Variants in DEPTOR observed in about 807,000 individuals in gnomAD.
DEPTOR encodes DEP domain containing MTOR interacting protein.
In DEPTOR, 41 loss-of-function variants were observed where a neutral mutation model predicts 41.6. That is an observed-to-expected ratio of 0.98 (90% CI 0.77 to 1.28). DEPTOR has a LOEUF of 1.28. Among genes scored for constraint, DEPTOR ranks in the 50% most tolerant of loss-of-function variants. The probability of loss-of-function intolerance (pLI) is 0.00; values close to 1 mark genes in which losing one functional copy is unlikely to be tolerated. For synonymous variants in DEPTOR, 195 were observed against 192.3 expected (o/e 1.01, Z -0.12); for missense variants, 514 against 527.9 (o/e 0.97, Z 0.26).
intron 8 of DEPTOR, among the ~76,000 whole-genome samples, chr8:120,035,470 G>C (rs1812966855): frequency 1.3e-5 from 2 of 152,194 alleles, no homozygotes; most frequent in African/African-American, 4.8e-5. Context: ...GGGAATGTAA[G>C]AGTGAGAATT....
intron 1 of DEPTOR, among the ~76,000 whole-genome samples, chr8:119,918,934 A>AGTGTGTGTGT (rs139535526): frequency 4.3e-5 from 5 of 115,198 alleles, no homozygotes; most frequent in African/African-American, 1.4e-4. Flanking sequence ...CTATTTGCAT[A>AGTGTGTGTGT]GTGAGTGTGT....
intron 1 of DEPTOR, among the ~76,000 whole-genome samples, chr8:119,925,054 T>A (rs1172553969): frequency 6.6e-6 from 1 of 152,196 alleles, no homozygotes; most frequent in Non-Finnish European, 1.5e-5. Flanking sequence ...GGAAGATACA[T>A]GGCCGTGGGC....
chr8:119,880,003 A>G (rs12681883), intron 1 of DEPTOR, among the ~76,000 whole-genome samples: 78,344 of 151,736 alleles, frequency 0.52, 21,438 homozygotes, highest in East Asian at 0.92. Flanking sequence ...TTAGCTGGGC[A>G]CGGTGGCAGG....
intron 4 of DEPTOR, among the ~76,000 whole-genome samples, chr8:119,986,600 T>C (rs1401195797): frequency 6.6e-6 from 1 of 152,148 alleles, no homozygotes; most frequent in African/African-American, 2.4e-5. Context: ...GAAGTTCTCC[T>C]GGATAATATC....
chr8:119,938,666 C>T (rs1404917048), intron 3 of DEPTOR, among the ~76,000 whole-genome samples: 1 of 152,088 alleles, frequency 6.6e-6, no homozygotes, highest in Non-Finnish European at 1.5e-5. Flanking sequence ...GTGTGCATTA[C>T]CACACCTGGC....
At chr8:119,931,506 A>C (rs1308224570) in intron 3 of DEPTOR, among the ~76,000 whole-genome samples, 1 of 152,186 alleles carries the variant, frequency 6.6e-6, no homozygotes, top group Non-Finnish European at 1.5e-5. Context: ...GTAAGACCTC[A>C]CAGATGATAG....
At chr8:120,017,530 A>G (rs542624424) in intron 8 of DEPTOR, among the ~76,000 whole-genome samples, 103 of 152,344 alleles carry the variant, frequency 6.8e-4, no homozygotes, top group African/African-American at 2.4e-3. Flanking sequence ...TGGAGTGGTC[A>G]CGTGTTCACC....
At chr8:119,912,457 G>A (rs1186454327) in intron 1 of DEPTOR, among the ~76,000 whole-genome samples, 9 of 152,192 alleles carry the variant, frequency 5.9e-5, no homozygotes, top group African/African-American at 1.7e-4. Flanking sequence ...AATGTGTTTC[G>A]GTTGAGAAAT....
chr8:120,022,176 A>AG, intron 8 of DEPTOR, among the ~76,000 whole-genome samples: 1 of 150,984 alleles, frequency 6.6e-6, no homozygotes, highest in African/African-American at 2.4e-5. Context: ...AAAAAAAAAA[A>AG]AAGATGCATG....
At position 119,928,541 on chromosome 8, in the gene DEPTOR, C is replaced by T; in HGVS notation, c.264C>T (p.Leu88=). The change falls in exon 2 of 9, where the codon CTC becomes CTT. Residue 88 remains leucine (L), a synonymous_variant. Transcript: ENST00000286234. Reference sequence around the variant, plus strand: ...CTGACAGAGAGACGGCAATTAAACTCATGCAGAAATTAGCAGACCGGGGCA... The same window carrying T: ...CTGACAGAGAGACGGCAATTAAACTTATGCAGAAATTAGCAGACCGGGGCA... ...EASDRETAIK[L]MQKLADRGII... is the part of the protein sequence containing the mutation. 5 of 1,614,152 alleles carry T rather than the reference C, an allele frequency of 3.1e-6. No homozygotes were observed. The highest frequency in any genetic ancestry group is 1.3e-5 in the African/African-American group (1 of 75,058).
chr8:119,885,615 A>G (rs72690149), intron 1 of DEPTOR, among the ~76,000 whole-genome samples: 7,720 of 152,292 alleles, frequency 0.051, 307 homozygotes, highest in South Asian at 0.17. Context: ...CTCTTGTTAT[A>G]CTTGAAGAGC....
chr8:120,023,444 C>G (rs1024584816), intron 8 of DEPTOR, among the ~76,000 whole-genome samples: 3 of 151,894 alleles, frequency 2.0e-5, no homozygotes, highest in African/African-American at 4.8e-5. Context: ...CCACCACGCC[C>G]AGCCTAATTA....
chr8:119,911,986 C>A (rs963779453), intron 1 of DEPTOR, among the ~76,000 whole-genome samples: 2 of 152,142 alleles, frequency 1.3e-5, no homozygotes, highest in African/African-American at 4.8e-5. Context: ...TAGTTTTTTA[C>A]TCATCAAATT....
intron 4 of DEPTOR, among the ~76,000 whole-genome samples, chr8:119,999,226 T>C (rs1812312521): frequency 6.6e-6 from 1 of 150,950 alleles, no homozygotes; most frequent in South Asian, 2.1e-4. Context: ...GAGCCGAGAT[T>C]GTGCCATTGC....
chr8:119,942,226 G>C (rs1051234606), intron 3 of DEPTOR, among the ~76,000 whole-genome samples: 1 of 152,108 alleles, frequency 6.6e-6, no homozygotes, highest in Non-Finnish European at 1.5e-5. Flanking sequence ...TTTTTGAGAC[G>C]GAGTCTCATT....
intron 3 of DEPTOR, among the ~76,000 whole-genome samples, chr8:119,937,569 CT>C (rs1406268523): frequency 6.6e-6 from 1 of 152,116 alleles, no homozygotes; most frequent in Non-Finnish European, 1.5e-5. Context: ...CCTTTTGTAA[CT>C]TTCTGTTTGT....
chr8:119,994,944 GA>G lies in DEPTOR; in HGVS notation c.605-6571del, dbSNP rs139339979. ...AAAAAAAAAAAGGAAAAAAGAAAAA[GA>G]AAAAAAAAAGAAGAATTAGAAGAAT... On this transcript the variant is annotated intron_variant, in intron 4 of 8. Transcript: ENST00000286234. Among the ~76,000 whole-genome samples, 770 of 128,340 alleles carry G rather than the reference GA, an allele frequency of 6.0e-3. 4 individuals carry two copies. Among genetic ancestry groups the G allele is most frequent in the Non-Finnish European group, 0.01 (591 of 58,962 alleles). The allele number at this position is 128,340 out of a possible 152,430, so 84.2% of individuals were successfully genotyped here.
At chr8:120,026,148 G>A (rs1037049466) in intron 8 of DEPTOR, among the ~76,000 whole-genome samples, 1 of 151,476 alleles carries the variant, frequency 6.6e-6, no homozygotes, top group South Asian at 2.1e-4. Flanking sequence ...CACCATGTCC[G>A]GCTATTTTTT....
At chr8:120,022,263 C>T (rs1361129830) in intron 8 of DEPTOR, among the ~76,000 whole-genome samples, 1 of 150,056 alleles carries the variant, frequency 6.7e-6, no homozygotes, top group Admixed American at 6.6e-5. Flanking sequence ...ATTACAAGTT[C>T]AAGCCCCATT....
Sources: allele counts gnomAD v4.1 joint callset (sites outside exome capture counted in the v4.1 genomes callset), GRCh38; gene constraint gnomAD v4.1.1; transcripts MANE v1.5; gene names NCBI Gene and HGNC (gene_info 2026-07-23, HGNC 2026-07-21).